Variants in TRIO observed in about 807,000 individuals in gnomAD.
TRIO encodes the protein triple functional domain protein.
In TRIO, 58 loss-of-function variants were observed where a neutral mutation model predicts 351.9. That is an observed-to-expected ratio of 0.16 (90% CI 0.13 to 0.21). The LOEUF is 0.21. TRIO is among the 10% of genes least tolerant of loss of function. TRIO has a pLI of 1.00. For synonymous variants in TRIO, 1,758 were observed against 1,595.7 expected, an observed-to-expected ratio of 1.10 and a Z score of -2.42; for missense variants, 3,201 against 4,027.8, an observed-to-expected ratio of 0.79 and a Z score of 5.56.
intron 10 of TRIO, among the ~76,000 whole-genome samples, chr5:14,334,454 A>T (rs866640207): frequency 6.6e-6 from 1 of 152,198 alleles, no homozygotes; most frequent in Non-Finnish European, 1.5e-5. Context: ...GGGACATTTT[A>T]AAAAATATCT....
chr5:14,420,096 C>T (rs1454811279), intron 34 of TRIO, 75 bp downstream of exon 34: 1 of 1,557,726 alleles, frequency 6.4e-7, no homozygotes, highest in Non-Finnish European at 8.7e-7. Flanking sequence ...CGCGCCTCTC[C>T]TGCCTGTTAA....
chr5:14,509,438 C>A lies in TRIO; in HGVS notation c.*1016C>A. Reference sequence around the variant, plus strand: ...GGGTCGTAGCCCTGTGCCATCGGTTCAAAGAGACTTTTCGTGAAATTTGTT... The same window carrying A: ...GGGTCGTAGCCCTGTGCCATCGGTTAAAAGAGACTTTTCGTGAAATTTGTT... On this transcript the variant is annotated 3_prime_UTR_variant, in exon 57 of 57. Transcript: ENST00000344204. 2.1e-6 allele frequency: 1 copy of A among 469,350 alleles called. No individual in the cohort carries two copies. The highest frequency in any genetic ancestry group is 4.3e-6 in the Non-Finnish European group (1 of 233,598). The allele number at this position is 469,350 out of a possible 1,614,324, so 29.1% of individuals were successfully genotyped here.
chr5:14,479,892 G>C, intron 42 of TRIO, 27 bp from the exon 43 acceptor site: 2 of 1,610,370 alleles, frequency 1.2e-6, no homozygotes, highest in African/African-American at 1.3e-5. Context: ...CAGCCCATAC[G>C]ATCTTTTCTC....
chr5:14,470,848 G>A (rs1396862331), intron 37 of TRIO, among the ~76,000 whole-genome samples: 1 of 152,208 alleles, frequency 6.6e-6, no homozygotes, highest in African/African-American at 2.4e-5. Flanking sequence ...AAGTTTGTTG[G>A]ATTGCTGATG....
intron 9 of TRIO, among the ~76,000 whole-genome samples, chr5:14,327,901 G>C (rs1167425262): frequency 6.6e-6 from 1 of 152,240 alleles, no homozygotes; most frequent in Admixed American, 6.5e-5. Flanking sequence ...GAATGGACCT[G>C]TGTTTTATAA....
intron 9 of TRIO, among the ~76,000 whole-genome samples, chr5:14,330,222 G>A (rs955368280): frequency 1.3e-5 from 2 of 152,156 alleles, no homozygotes; most frequent in Non-Finnish European, 2.9e-5. Flanking sequence ...TTCATGAAAT[G>A]CTTAGCTTTT....
chr5:14,239,648 A>G (rs1794008889), intron 1 of TRIO, among the ~76,000 whole-genome samples: 1 of 152,202 alleles, frequency 6.6e-6, no homozygotes, highest in Non-Finnish European at 1.5e-5. Context: ...ACCTAGTTGC[A>G]GAACTGAATT....
chr5:14,380,282 GCGCCCCGC>G (rs1745962791), intron 20 of TRIO, among the ~76,000 whole-genome samples: 2 of 31,614 alleles, frequency 6.3e-5, no homozygotes, highest in South Asian at 1.1e-3. Flanking sequence ...CTCCTCCTTC[GCGCCCCGC>G]CTCCTCCTTC....
chr5:14,201,824 G>A (rs1054060201), intron 1 of TRIO, among the ~76,000 whole-genome samples: 3 of 151,832 alleles, frequency 2.0e-5, no homozygotes, highest in African/African-American at 7.3e-5. Flanking sequence ...AGAAATAGGT[G>A]GACCTGAATG....
rs75974600 is a variant in TRIO, at chr5:14,241,547, C to T, written c.158-29278C>T. ...ATGTGCTTTAAAAATGTTCTTAAAA[C>T]CCTTTATTTAATTGAAACTTGATTC... On this transcript the variant is annotated intron_variant, in intron 1 of 56. Transcript: ENST00000344204. 8.5e-3 allele frequency among the ~76,000 whole-genome samples: 1,300 copies of T among 152,240 alleles called. 16 individuals are homozygous for T. The highest frequency in any genetic ancestry group is 0.03 in the African/African-American group (1,236 of 41,548).
intron 46 of TRIO, among the ~76,000 whole-genome samples, chr5:14,483,681 G>A (rs1287319920): frequency 6.6e-6 from 1 of 152,148 alleles, no homozygotes; most frequent in Admixed American, 6.5e-5. Context: ...ACCTAGGAGG[G>A]CTCTGGAGCC....
At chr5:14,153,001 G>T (rs887720775) in intron 1 of TRIO, among the ~76,000 whole-genome samples, 5 of 152,288 alleles carry the variant, frequency 3.3e-5, no homozygotes, top group Admixed American at 3.3e-4. Context: ...ATACCTCATG[G>T]GTATTGTTTA....
intron 1 of TRIO, among the ~76,000 whole-genome samples, chr5:14,192,504 G>A (rs1242526011): frequency 6.6e-6 from 1 of 152,066 alleles, no homozygotes; most frequent in African/African-American, 2.4e-5. Context: ...GAGTCCCTGG[G>A]CTCAAGTGAT....
chr5:14,452,578 G>A (rs1752920519), intron 34 of TRIO, among the ~76,000 whole-genome samples: 2 of 152,208 alleles, frequency 1.3e-5, no homozygotes, highest in South Asian at 4.1e-4. Flanking sequence ...ACACATGCAT[G>A]TGCCAGGCAG....
In TRIO at chr5:14,368,869, C is replaced by T. The variant is rs1744831144; in HGVS notation, c.3036C>T (p.Ala1012=). The T allele has an allele frequency of 6.2e-7, 1 of 1,614,056 alleles. No individual in the cohort carries two copies. Among genetic ancestry groups the T allele is most frequent in the Non-Finnish European group, 8.5e-7 (1 of 1,180,040 alleles). ...KMEDRLKLVN[A]SVAFYKTSEQ... is the part of the protein sequence containing the mutation. The stretch of plus-strand genomic sequence containing the variant: ...AAGATCGCCTCAAGCTCGTCAACGC[C>T]TCTGTCGCTTTCTACAAAACCTCAG... The change falls in exon 17 of 57, where the codon GCC becomes GCT. Residue 1012 remains alanine (A), a synonymous_variant. Transcript: ENST00000344204.
chr5:14,310,877 G>C (rs531216339), intron 8 of TRIO, among the ~76,000 whole-genome samples: 4 of 152,288 alleles, frequency 2.6e-5, no homozygotes, highest in Admixed American at 2.6e-4. Flanking sequence ...GTAGAGACAG[G>C]GTTTTGCCAT....
intron 34 of TRIO, among the ~76,000 whole-genome samples, chr5:14,460,391 C>T (rs1266384352): frequency 1.3e-5 from 2 of 152,122 alleles, no homozygotes; most frequent in Admixed American, 1.3e-4. Flanking sequence ...ACCAGCTCTG[C>T]CACTTTCCAG....
intron 19 of TRIO, among the ~76,000 whole-genome samples, chr5:14,375,593 G>A (rs890466134): frequency 6.6e-6 from 1 of 152,216 alleles, no homozygotes; most frequent in Non-Finnish European, 1.5e-5. Flanking sequence ...AGTGCACTAA[G>A]TTCCTGTAAG....
At chr5:14,488,349 G>C (rs1439492023) in intron 48 of TRIO, 89 bp downstream of exon 48, 1 of 1,476,808 alleles carries the variant, frequency 6.8e-7, no homozygotes, top group South Asian at 1.3e-5. Context: ...TCACTAACTC[G>C]GCTGCCCAGC....
Sources: gnomAD v4.1 joint callset for allele counts (sites outside exome capture counted in the v4.1 genomes callset) on GRCh38, gnomAD v4.1.1 for gene constraint, MANE v1.5 for transcripts, NCBI Gene and HGNC (gene_info 2026-07-23, HGNC 2026-07-21) for gene names.